Variants in CCN5 observed in about 807,000 individuals in gnomAD.
CCN5 encodes cellular communication network factor 5.
A neutral mutation model predicts 18.7 loss-of-function variants in CCN5; 17 were observed. The ratio of observed to expected loss-of-function variants is 0.91; its 90% CI spans 0.62 to 1.36. The LOEUF (loss-of-function observed/expected upper bound fraction) is 1.36, where lower values mean the gene tolerates loss of function less well. CCN5 is among the 40% of genes most tolerant of loss of function. The pLI is 0.00. For missense variants in CCN5, 367 were observed against 342.9 expected, an observed-to-expected ratio of 1.07 and a Z score of -0.56; for synonymous variants, 135 against 145.2, an observed-to-expected ratio of 0.93 and a Z score of 0.50.
intron 2 of CCN5, chr20:44,723,856 G>A (rs141095074): frequency 6.0e-4 from 92 of 152,304 alleles, no homozygotes; most frequent in African/African-American, 2.0e-3. Context: ...TTTTATCAGG[G>A]TCTCTCATGT....
Position 44,715,396 on chromosome 20 carries a change from A to G in CCN5, c.6A>G (p.Arg2=). Reference sequence around the variant, plus strand: ...AAGCTGGCTCTGCAGGGGACATGAGAGGCACACCGAAGACCCACCTCCTGG... The same window carrying G: ...AAGCTGGCTCTGCAGGGGACATGAGGGGCACACCGAAGACCCACCTCCTGG... The part of the protein sequence containing the change: M[R]GTPKTHLLAF... The change falls in exon 1 of 4, where the codon AGA becomes AGG. Residue 2 remains arginine (R), a synonymous_variant. Coordinates refer to ENST00000190983, the MANE Select transcript of CCN5 (RefSeq NM_003881.4). The G allele has an allele frequency of 6.2e-7, 1 of 1,602,350 alleles. No homozygotes were observed. Among genetic ancestry groups the G allele is most frequent in the Non-Finnish European group, 8.5e-7 (1 of 1,174,988 alleles).
chr20:44,716,143 C>T (rs2065858550), intron 1 of CCN5, among the ~76,000 whole-genome samples: 1 of 152,204 alleles, frequency 6.6e-6, no homozygotes, highest in Non-Finnish European at 1.5e-5. Context: ...GGGTAAGCAA[C>T]TTGCCCAAAG....
Position 44,727,113 on chromosome 20 carries a change from T to C in CCN5, c.559T>C (p.Ser187Pro). ...ACCCCAGTTTTCTGGCCTTGTCTCT[T>C]CCCTGCCCCCTGGTGTCCCCTGCCC... is the stretch of plus-strand genomic sequence containing the variant. Reference protein sequence around the residue: ...QGPQFSGLVSSLPPGVPCPEW... With the variant: ...QGPQFSGLVSPLPPGVPCPEW... The change falls in exon 4 of 4, where the codon TCC (serine) becomes CCC (proline). Residue 187 changes from serine (S) to proline (P), a missense_variant. Ser to Pro is a moderately conservative substitution (Grantham distance 74, BLOSUM62 -1). Coordinates refer to ENST00000190983, the MANE Select transcript of CCN5 (RefSeq NM_003881.4). The C allele has an allele frequency of 1.2e-6, 2 of 1,602,908 alleles. No individual in the cohort carries two copies. The highest frequency in any genetic ancestry group is 1.7e-6 in the Non-Finnish European group (2 of 1,173,146).
In CCN5 at chr20:44,727,607, T is replaced by A; in HGVS notation, c.*300T>A. 9.2e-7 allele frequency: 1 copy of A among 1,088,522 alleles called. No individual in the cohort carries two copies. The highest frequency in any genetic ancestry group is 1.2e-6 in the Non-Finnish European group (1 of 848,800). 67.4% of individuals were successfully genotyped at this position (1,088,522 alleles called of 1,614,324 possible). A position where few individuals can be genotyped will look rare whatever the true frequency, so the allele number is the denominator to read the frequency against. ...CTACACACACAGCCTATATCAAACATGCACACGGGCGAGCTTTCTCTCCGA... is the reference window on the plus strand; with the variant it reads ...CTACACACACAGCCTATATCAAACAAGCACACGGGCGAGCTTTCTCTCCGA... On this transcript the variant is annotated 3_prime_UTR_variant, in exon 4 of 4. Coordinates refer to ENST00000190983, the MANE Select transcript of CCN5 (RefSeq NM_003881.4).
At chr20:44,716,011 C>T (rs1366665991) in intron 1 of CCN5, among the ~76,000 whole-genome samples, 1 of 152,206 alleles carries the variant, frequency 6.6e-6, no homozygotes, top group Non-Finnish European at 1.5e-5. Context: ...CACCAAAGAG[C>T]CTGTGGGACA....
intron 2 of CCN5, chr20:44,721,003 A>G (rs901335572): frequency 1.3e-5 from 2 of 152,198 alleles, no homozygotes; most frequent in African/African-American, 4.8e-5. Flanking sequence ...CCCAGGGGGC[A>G]AAATCTCCAG....
chr20:44,715,500 G>A, intron 1 of CCN5, 50 bp downstream of exon 1: 2 of 1,551,914 alleles, frequency 1.3e-6, no homozygotes, highest in Middle Eastern at 3.4e-4. Flanking sequence ...TGGGTGTGGA[G>A]GGGGTGGGGA....
intron 2 of CCN5, among the ~76,000 whole-genome samples, chr20:44,722,739 G>A (rs988279058): frequency 6.6e-6 from 1 of 152,020 alleles, no homozygotes; most frequent in Non-Finnish European, 1.5e-5. Context: ...CTCCCTAAGT[G>A]CTGGGATTAT....
chr20:44,724,600 C>A, intron 2 of CCN5, 138 bp from the exon 3 acceptor site: 1 of 1,345,130 alleles, frequency 7.4e-7, no homozygotes, highest in Non-Finnish European at 1.0e-6. Context: ...GGGAGAGGTG[C>A]ATATCCTGGG....
intron 2 of CCN5, 60 bp downstream of exon 2, chr20:44,720,173 G>A: frequency 3.3e-6 from 5 of 1,506,104 alleles, no homozygotes; most frequent in South Asian, 2.4e-5. Flanking sequence ...AGGCCGTGGT[G>A]TCCTGGATCA....
At position 44,724,829 on chromosome 20, in the gene CCN5, C is replaced by T; in HGVS notation, c.369C>T (p.Cys123=). The T allele has an allele frequency of 6.2e-7, 1 of 1,606,200 alleles. No individual in the cohort carries two copies. The highest frequency in any genetic ancestry group is 8.5e-7 in the Non-Finnish European group (1 of 1,177,260). ...CCCACTGCAGCATCCGCTGCCGCTG[C>T]GAGGACGGCGGCTTCACCTGCGTGC... is the stretch of plus-strand genomic sequence containing the variant. ...FQPHCSIRCR[C]EDGGFTCVPL... Residue 123 remains cysteine, a synonymous_variant, in exon 3 of 4, where the codon TGC becomes TGT. Coordinates refer to ENST00000190983, the MANE Select transcript of CCN5 (RefSeq NM_003881.4).
Position 44,727,119 on chromosome 20 carries a change from C to A in CCN5, c.565C>A (p.Pro189Thr). Residue 189 changes from proline to threonine, a missense_variant, in exon 4 of 4, where the codon CCC (proline) becomes ACC (threonine). Transcript: ENST00000190983. ...PQFSGLVSSL[P>T]PGVPCPEWST... ...GTTTTCTGGCCTTGTCTCTTCCCTG[C>A]CCCCTGGTGTCCCCTGCCCAGAATG... 1.9e-6 allele frequency: 3 copies of A among 1,604,726 alleles called. No individual in the cohort carries two copies. The highest frequency in any genetic ancestry group is 8.5e-7 in the Non-Finnish European group (1 of 1,174,466).
Position 44,724,820 on chromosome 20 carries a change from C to T in CCN5, c.360C>T (p.Arg120=). The T allele has an allele frequency of 1.2e-6, 2 of 1,611,062 alleles. No homozygotes were observed. Among genetic ancestry groups the T allele is most frequent in the East Asian group, 4.5e-5 (2 of 44,844 alleles). Residue 120 remains arginine, a synonymous_variant, in exon 3 of 4, where the codon CGC becomes CGT. Transcript: ENST00000190983. The stretch of plus-strand genomic sequence containing the variant: ...CCTTCCAGCCCCACTGCAGCATCCG[C>T]TGCCGCTGCGAGGACGGCGGCTTCA... The part of the protein sequence containing the change: ...GETFQPHCSI[R]CRCEDGGFTC...
At chr20:44,725,418 A>C (rs1480041471) in intron 3 of CCN5, among the ~76,000 whole-genome samples, 24 of 151,448 alleles carry the variant, frequency 1.6e-4, no homozygotes, top group Admixed American at 1.6e-3. Flanking sequence ...AGCCTGGCCG[A>C]CAAGCACGAA....
intron 1 of CCN5, among the ~76,000 whole-genome samples, chr20:44,718,787 T>G (rs1418587837): frequency 6.6e-6 from 1 of 152,212 alleles, no homozygotes; most frequent in Non-Finnish European, 1.5e-5. Context: ...TCCCCATCCG[T>G]ACCTGGCAGG....
At chr20:44,723,223 T>G (rs2065912345) in intron 2 of CCN5, among the ~76,000 whole-genome samples, 1 of 151,926 alleles carries the variant, frequency 6.6e-6, no homozygotes, top group South Asian at 2.1e-4. Flanking sequence ...CAGCATTATT[T>G]CTCAGCAAGG....
At chr20:44,722,885 C>T (rs1291099431) in intron 2 of CCN5, among the ~76,000 whole-genome samples, 16 of 152,126 alleles carry the variant, frequency 1.1e-4, no homozygotes, top group Non-Finnish European at 1.2e-4. Context: ...CATCATTGGC[C>T]TGGATTTTGC....
At chr20:44,724,604 T>A in intron 2 of CCN5, 134 bp from the exon 3 acceptor site, 2 of 1,400,384 alleles carry the variant, frequency 1.4e-6, no homozygotes, top group South Asian at 2.9e-5. Context: ...GAGGTGCATA[T>A]CCTGGGCTGG....
At chr20:44,717,893 A>AG (rs1314318720) in intron 1 of CCN5, among the ~76,000 whole-genome samples, 3 of 151,788 alleles carry the variant, frequency 2.0e-5, no homozygotes, top group Admixed American at 6.6e-5. Flanking sequence ...AAGAAAAAAA[A>AG]AAAAAAGAAA....
Sources: allele counts gnomAD v4.1 joint callset (sites outside exome capture counted in the v4.1 genomes callset), GRCh38; gene constraint gnomAD v4.1.1; transcripts MANE v1.5; gene names NCBI Gene and HGNC (gene_info 2026-07-23, HGNC 2026-07-21).